Variants in ANKAR observed in about 807,000 individuals in gnomAD.
The protein encoded by ANKAR is ankyrin and armadillo repeat containing.
ANKAR carries 136 observed loss-of-function variants against 146.2 expected under a neutral mutation model. The observed-to-expected ratio is 0.93, with a 90% CI of 0.81 to 1.07. The LOEUF (loss-of-function observed/expected upper bound fraction) is 1.07. Among genes scored for constraint, ANKAR ranks in the 50% least tolerant of loss-of-function variants. The probability of loss-of-function intolerance (pLI) is 0.00; values close to 1 mark genes in which losing one functional copy is unlikely to be tolerated. For synonymous variants in ANKAR, 500 were observed against 575.8 expected, an observed-to-expected ratio of 0.87 and a Z score of 1.88; for missense variants, 1,567 against 1,679.9, an observed-to-expected ratio of 0.93 and a Z score of 1.18.
At position 189,689,896 on chromosome 2, in the gene ANKAR, C is replaced by T. The variant is rs184145903; in HGVS notation, c.971C>T (p.Pro324Leu). Residue 324 changes from proline (P) to leucine (L), a missense_variant, in exon 3 of 23, where the codon CCA becomes CTA. By Grantham distance (98) the Pro-to-Leu change is moderately conservative. Coordinates refer to ENST00000684021, the MANE Select transcript of ANKAR (RefSeq NM_001378068.1). ...GYLKLICFLI[P>L]FLLSLKKKMK... ...CTAAAGTTAATATGTTTTCTGATTC[C>T]ATTTCTACTGAGTTTAAAGAAGAAA... is the stretch of plus-strand genomic sequence containing the variant. 3.5e-5 allele frequency: 55 copies of T among 1,573,862 alleles called. No individual in the cohort carries two copies. The highest frequency in any genetic ancestry group is 1.6e-4 in the Admixed American group (8 of 49,454).
intron 2 of ANKAR, among the ~76,000 whole-genome samples, chr2:189,681,039 C>T (rs2034589715): frequency 6.6e-6 from 1 of 152,080 alleles, no homozygotes; most frequent in Non-Finnish European, 1.5e-5. Flanking sequence ...ACTTTTGTTT[C>T]CCTTTTTACA....
downstream of ANKAR, among the ~76,000 whole-genome samples, chr2:189,749,352 A>G (rs1194835025): frequency 6.7e-6 from 1 of 148,708 alleles, no homozygotes; most frequent in Non-Finnish European, 1.5e-5. Context: ...GGAGGATTAC[A>G]TGAGCCTAGG....
At chr2:189,753,602 A>G (rs1327774581) in intron 18 of ANKAR, among the ~76,000 whole-genome samples, 1 of 152,250 alleles carries the variant, frequency 6.6e-6, no homozygotes, top group East Asian at 1.9e-4. Context: ...AGGATGAAGG[A>G]AATCCACCTA....
intron 17 of ANKAR, among the ~76,000 whole-genome samples, chr2:189,736,502 T>TTTTTTTTTTTTGTG: frequency 7.0e-6 from 1 of 141,986 alleles, no homozygotes; most frequent in African/African-American, 2.6e-5. Context: ...TGACTGGGTT[T>TTTTTTTTTTTTGTG]TGTGTGTGTG....
intron 18 of ANKAR, chr2:189,755,018 ACT>A (rs2045891341): frequency 1.2e-6 from 1 of 804,486 alleles, no homozygotes. Flanking sequence ...ATTGTGTACT[ACT>A]CTTTCTATTT....
At chr2:189,738,062 T>C (rs1465000909) in intron 18 of ANKAR, among the ~76,000 whole-genome samples, 3 of 152,220 alleles carry the variant, frequency 2.0e-5, no homozygotes, top group Non-Finnish European at 4.4e-5. Flanking sequence ...TATGCCTTTA[T>C]ACCTCATCTG....
intron 17 of ANKAR, 79 bp downstream of exon 17, chr2:189,733,308 T>G: frequency 8.3e-7 from 1 of 1,209,540 alleles, no homozygotes; most frequent in South Asian, 1.8e-5. Context: ...TCAAGTCTTC[T>G]TCATGGCAAT....
At chr2:189,682,079 G>C (rs1484505146) in intron 2 of ANKAR, among the ~76,000 whole-genome samples, 1 of 152,122 alleles carries the variant, frequency 6.6e-6, no homozygotes, top group Non-Finnish European at 1.5e-5. Flanking sequence ...GGATAGTGCT[G>C]GGTGTGTTTA....
At position 189,743,450 on chromosome 2, in the gene ANKAR, C is replaced by T. The variant is rs758076478; in HGVS notation, c.3986C>T (p.Thr1329Ile). Residue 1329 changes from threonine to isoleucine, a missense_variant, in exon 21 of 23, where the codon ACA (threonine) becomes ATA (isoleucine). Coordinates refer to ENST00000684021, the MANE Select transcript of ANKAR (RefSeq NM_001378068.1). Reference protein sequence around the residue: ...AFLKEFQMQQTLVGLPSLSLE... With the variant: ...AFLKEFQMQQILVGLPSLSLE... ...TTAAAGGAATTTCAAATGCAACAAA[C>T]ACTGGTGGGACTTCCTTCCTTAAGG... The T allele has an allele frequency of 6.2e-7, 1 of 1,613,764 alleles. No individual in the cohort carries two copies. Among genetic ancestry groups the T allele is most frequent in the South Asian group, 1.1e-5 (1 of 91,042 alleles).
At chr2:189,750,229 G>A (rs781603490), downstream of ANKAR, among the ~76,000 whole-genome samples, 4 of 152,148 alleles carry the variant, frequency 2.6e-5, no homozygotes, top group Non-Finnish European at 5.9e-5. Context: ...CCTGATTTGA[G>A]GAAGTGGGGG....
chr2:189,730,577 A>G lies in ANKAR; in HGVS notation c.3276A>G (p.Arg1092=). 6.3e-7 allele frequency: 1 copy of G among 1,591,756 alleles called. No individual in the cohort carries two copies. Among genetic ancestry groups the G allele is most frequent in the Non-Finnish European group, 8.6e-7 (1 of 1,164,446 alleles). The change falls in exon 16 of 23, where the codon AGA becomes AGG. Residue 1092 remains arginine (R), a synonymous_variant. Coordinates refer to ENST00000684021, the MANE Select transcript of ANKAR (RefSeq NM_001378068.1). The part of the protein sequence containing the change: ...NAFPVLIQLL[R]NHPSPNIKVE... ...TTCCAGTACTTATCCAACTACTAAG[A>G]AATCACCCTTCTCCTAACATTAAGG...
downstream of ANKAR, among the ~76,000 whole-genome samples, chr2:189,750,116 G>A (rs2044915304): frequency 6.6e-6 from 1 of 152,054 alleles, no homozygotes; most frequent in African/African-American, 2.4e-5. Context: ...GACAGAGGGA[G>A]ATTATCTCCA....
intron 10 of ANKAR, among the ~76,000 whole-genome samples, chr2:189,716,185 A>C (rs1337495297): frequency 2.0e-5 from 3 of 152,230 alleles, no homozygotes; most frequent in Non-Finnish European, 4.4e-5. Context: ...TATATTTAGA[A>C]AACCCCACTG....
chr2:189,680,655 A>T (rs2105742993), intron 2 of ANKAR, among the ~76,000 whole-genome samples: 1 of 152,110 alleles, frequency 6.6e-6, no homozygotes, highest in African/African-American at 2.4e-5. Context: ...TGGTTCAAAG[A>T]TTTTTAAATT....
intron 7 of ANKAR, among the ~76,000 whole-genome samples, chr2:189,704,408 G>A (rs1268874534): frequency 2.0e-5 from 3 of 151,016 alleles, no homozygotes; most frequent in Admixed American, 1.3e-4. Flanking sequence ...GCTTCCCAAA[G>A]TGCTGGGATT....
chr2:189,749,773 C>T (rs1203111662), downstream of ANKAR, among the ~76,000 whole-genome samples: 2 of 152,118 alleles, frequency 1.3e-5, no homozygotes, highest in Non-Finnish European at 2.9e-5. Flanking sequence ...AAATTAATAA[C>T]ATATTATGTT....
chr2:189,747,483 A>C (rs969194283), downstream of ANKAR, among the ~76,000 whole-genome samples: 1 of 152,208 alleles, frequency 6.6e-6, no homozygotes, highest in Admixed American at 6.5e-5. Flanking sequence ...CATCAAGTAC[A>C]TGAGTATGGC....
intron 2 of ANKAR, 76 bp from the exon 3 acceptor site, chr2:189,689,451 G>A: frequency 8.2e-7 from 1 of 1,216,200 alleles, no homozygotes; most frequent in Middle Eastern, 2.7e-4. Context: ...AAAATCCTGT[G>A]TTCAATCTTC....
Position 189,704,787 on chromosome 2 carries a change from T to C in ANKAR, c.1709-236T>C, listed in dbSNP as rs1228350797. 5.3e-5 allele frequency among the ~76,000 whole-genome samples: 8 copies of C among 151,378 alleles called. No individual in the cohort carries two copies. The East Asian group carries it at 5.8e-4, about 11-fold the overall frequency. On this transcript the variant is annotated intron_variant, in intron 7 of 22. Coordinates refer to ENST00000684021, the MANE Select transcript of ANKAR (RefSeq NM_001378068.1). ...ATTTTTCTTTGCTTATAAAAAAATA[T>C]GGATTTTTAAAAATTTTTGTTTTTT...
Sources: allele counts gnomAD v4.1 joint callset (sites outside exome capture counted in the v4.1 genomes callset), GRCh38; gene constraint gnomAD v4.1.1; transcripts MANE v1.5; gene names NCBI Gene and HGNC (gene_info 2026-07-23, HGNC 2026-07-21).